PKHD1: variants seen among roughly 807,000 people sequenced by gnomAD.
PKHD1 encodes PKHD1 ciliary IPT domain containing fibrocystin/polyductin, also known as fibrocystin.
A neutral mutation model predicts 412.0 loss-of-function variants in PKHD1; 291 were observed. That is an observed-to-expected ratio of 0.71 (90% CI 0.64 to 0.78). The LOEUF is 0.78. PKHD1 is among the 30% of genes least tolerant of loss of function. The pLI is 0.00. For synonymous variants in PKHD1, 1,777 were observed against 1,821.5 expected (o/e 0.98, Z 0.62); for missense variants, 4,825 against 4,950.7 (o/e 0.97, Z 0.76).
At chr6:52,073,929 A>C (rs541072365) in intron 6 of PKHD1, among the ~76,000 whole-genome samples, 2 of 152,244 alleles carry the variant, frequency 1.3e-5, no homozygotes, top group African/African-American at 4.8e-5. Flanking sequence ...ATTTAAGGAC[A>C]ATGTGCCTTG....
intron 37 of PKHD1, among the ~76,000 whole-genome samples, chr6:51,928,613 C>G (rs1786070297): frequency 7.3e-6 from 1 of 137,700 alleles, no homozygotes; most frequent in African/African-American, 2.6e-5. Context: ...CCTTAGTCTG[C>G]TAAGTAACTC....
chr6:51,824,828 C>G (rs9474094), intron 52 of PKHD1, among the ~76,000 whole-genome samples: 64,369 of 151,968 alleles, frequency 0.42, 14,430 homozygotes, highest in Middle Eastern at 0.61. Flanking sequence ...GATTTGACCA[C>G]AAGTTGCAGT....
At chr6:51,854,176 G>A (rs771717584) in intron 49 of PKHD1, among the ~76,000 whole-genome samples, 11 of 151,282 alleles carry the variant, frequency 7.3e-5, no homozygotes, top group Non-Finnish European at 1.5e-4. Flanking sequence ...TTTTTCTTTC[G>A]GGTCCCTCTT....
At chr6:51,906,447 T>C (rs1782108664) in intron 40 of PKHD1, 107 bp from the exon 41 acceptor site, 1 of 876,832 alleles carries the variant, frequency 1.1e-6, no homozygotes, top group Admixed American at 1.8e-5. Context: ...CACACAATAA[T>C]GAAACTCAGG....
chr6:51,669,524 G>T (rs1453052407), intron 60 of PKHD1, among the ~76,000 whole-genome samples: 9 of 145,642 alleles, frequency 6.2e-5, no homozygotes, highest in African/African-American at 2.3e-4. Flanking sequence ...TTTTTTGAAG[G>T]GTTTTTTGTG....
rs1167596697 is a variant in PKHD1, at chr6:51,959,943, G to A, written c.5835C>T (p.Asn1945=). The part of the protein sequence containing the change: ...FPERLPQDGD[N]VTVENGQLLL... ...GCAATTGGCCATTCTCCACTGTGACGTTGTCGCCATCTTGTGGCAGCCTTT... is the reference window on the plus strand; with the variant it reads ...GCAATTGGCCATTCTCCACTGTGACATTGTCGCCATCTTGTGGCAGCCTTT... The change falls in exon 36 of 67, where the codon AAC becomes AAT. Residue 1945 remains asparagine, a synonymous_variant. Coordinates refer to ENST00000371117, the MANE Select transcript of PKHD1 (RefSeq NM_138694.4). 6 of 1,613,388 alleles carry A rather than the reference G, an allele frequency of 3.7e-6. No homozygotes were observed. The highest frequency in any genetic ancestry group is 1.7e-4 in the Middle Eastern group (1 of 6,054).
At chr6:51,993,969 A>G (rs1467526824) in intron 35 of PKHD1, among the ~76,000 whole-genome samples, 4 of 152,142 alleles carry the variant, frequency 2.6e-5, no homozygotes, top group African/African-American at 9.7e-5. Context: ...AAGAAAAAAA[A>G]ATAAGATTTT....
intron 43 of PKHD1, among the ~76,000 whole-genome samples, chr6:51,892,967 A>G (rs1475648075): frequency 6.6e-6 from 1 of 152,210 alleles, no homozygotes; most frequent in Non-Finnish European, 1.5e-5. Context: ...TCACGATTAC[A>G]CAACACAAAC....
intron 53 of PKHD1, among the ~76,000 whole-genome samples, chr6:51,786,668 AGC>A: frequency 6.6e-6 from 1 of 152,112 alleles, no homozygotes; most frequent in Non-Finnish European, 1.5e-5. Context: ...TTTATCTTTA[AGC>A]TCCCTCTAGG....
chr6:52,057,941 G>A (rs966941552), intron 16 of PKHD1, among the ~76,000 whole-genome samples: 2 of 152,186 alleles, frequency 1.3e-5, no homozygotes, highest in Non-Finnish European at 2.9e-5. Context: ...AGTAGACTTA[G>A]AAAACACAGG....
intron 55 of PKHD1, 83 bp from the exon 56 acceptor site, chr6:51,755,021 C>A (rs181784819): frequency 1.8e-6 from 2 of 1,140,068 alleles, no homozygotes; most frequent in Non-Finnish European, 2.7e-6. Flanking sequence ...AAAAGGAAAT[C>A]CACTGTGACC....
chr6:51,899,797 C>G (rs1780915346), intron 43 of PKHD1, among the ~76,000 whole-genome samples: 1 of 152,206 alleles, frequency 6.6e-6, no homozygotes, highest in African/African-American at 2.4e-5. Flanking sequence ...TCTCCATAAC[C>G]TGATAAGCAA....
intron 52 of PKHD1, among the ~76,000 whole-genome samples, chr6:51,795,073 G>A (rs1050545931): frequency 6.6e-6 from 1 of 152,126 alleles, no homozygotes; most frequent in Admixed American, 6.5e-5. Flanking sequence ...AATCTTAATG[G>A]TAGTTTAAGG....
chr6:51,752,251 C>A (rs1190426959), intron 57 of PKHD1, among the ~76,000 whole-genome samples: 1 of 152,150 alleles, frequency 6.6e-6, no homozygotes, highest in Admixed American at 6.5e-5. Context: ...ACATTTGGAG[C>A]CAGATACTCC....
chr6:51,722,145 T>C, intron 60 of PKHD1: 1 of 1,516,304 alleles, frequency 6.6e-7, no homozygotes, highest in Non-Finnish European at 9.0e-7. Flanking sequence ...CACCTTGTAA[T>C]ATCCGAGCTC....
At chr6:51,933,970 G>A (rs138250138) in intron 37 of PKHD1, 140 bp downstream of exon 37, 3 of 708,518 alleles carry the variant, frequency 4.2e-6, no homozygotes, top group Non-Finnish European at 7.7e-6. Context: ...AGTTTTACTT[G>A]TTATTTAAGG....
intron 40 of PKHD1, among the ~76,000 whole-genome samples, chr6:51,907,454 C>T (rs1156334124): frequency 6.6e-6 from 1 of 152,106 alleles, no homozygotes; most frequent in Non-Finnish European, 1.5e-5. Flanking sequence ...AAACACTGCC[C>T]ATAGTGCACA....
At chr6:51,665,927 A>G (rs1773683621) in intron 60 of PKHD1, among the ~76,000 whole-genome samples, 1 of 152,134 alleles carries the variant, frequency 6.6e-6, no homozygotes, top group African/African-American at 2.4e-5. Context: ...CAGAGAGTGT[A>G]AGCACAGGTG....
At chr6:51,682,412 TG>T (rs1425271451) in intron 60 of PKHD1, among the ~76,000 whole-genome samples, 6 of 152,060 alleles carry the variant, frequency 3.9e-5, no homozygotes, top group African/African-American at 1.4e-4. Context: ...TCTTTTCCAG[TG>T]TGATATAAAG....
Sources: allele counts gnomAD v4.1 joint callset (sites outside exome capture counted in the v4.1 genomes callset), GRCh38; gene constraint gnomAD v4.1.1; transcripts MANE v1.5; gene names NCBI Gene and HGNC (gene_info 2026-07-23, HGNC 2026-07-21).